DDB2: variants seen among roughly 807,000 people sequenced by gnomAD.
DDB2 encodes damage specific DNA binding protein 2.
In DDB2, 27 loss-of-function variants were observed where a neutral mutation model predicts 50.5. The observed-to-expected ratio is 0.53, with a 90% CI of 0.39 to 0.74. The LOEUF is 0.74. DDB2 is among the 30% of genes least tolerant of loss of function. The probability of loss-of-function intolerance (pLI) is 0.00; values close to 1 mark genes in which losing one functional copy is unlikely to be tolerated. For missense variants in DDB2, 424 were observed against 545.6 expected, an observed-to-expected ratio of 0.78 and a Z score of 2.22; for synonymous variants, 176 against 205.5, an observed-to-expected ratio of 0.86 and a Z score of 1.23.
At chr11:47,228,138 CAAAAAA>C (rs35908583) in intron 3 of DDB2, among the ~76,000 whole-genome samples, 1 of 57,462 alleles carries the variant, frequency 1.7e-5, no homozygotes, top group African/African-American at 6.5e-5. Flanking sequence ...GGCTCTGTCT[CAAAAAA>C]AAAAAAAAAA....
chr11:47,219,888 C>T (rs565330491), intron 3 of DDB2, among the ~76,000 whole-genome samples: 2 of 152,214 alleles, frequency 1.3e-5, no homozygotes, highest in East Asian at 3.9e-4. Context: ...CCCAGGTTCA[C>T]GCGATTCTCC....
Position 47,223,517 on chromosome 11 carries a change from A to G in DDB2, c.456+6468A>G, listed in dbSNP as rs1209851316. On this transcript the variant is annotated intron_variant, in intron 3 of 9. Transcript: ENST00000256996. ...TAAATAAGGCTGGGCGCGGTGGCTG[A>G]CACCTGTAATCCCAGCGCTTTGGGA... 2.6e-5 allele frequency among the ~76,000 whole-genome samples: 4 copies of G among 151,936 alleles called. No homozygotes were observed. The East Asian group carries it at 7.8e-4, about 29-fold the overall frequency.
In DDB2 at chr11:47,230,102, G is replaced by A. The variant is rs550088477; in HGVS notation, c.457-2712G>A. ...TGCTTGAGCCCAGGAATTTGAGACT[G>A]GCCTGAGTTACATAGTGAGACCCTG... On this transcript the variant is annotated intron_variant, in intron 3 of 9. Transcript: ENST00000256996. 1.7e-3 allele frequency among the ~76,000 whole-genome samples: 250 copies of A among 149,122 alleles called. 1 individual carries two copies. The highest frequency in any genetic ancestry group is 2.6e-3 in the Non-Finnish European group (178 of 67,494).
intron 3 of DDB2, among the ~76,000 whole-genome samples, chr11:47,227,556 G>C (rs1178284610): frequency 3.4e-5 from 5 of 148,378 alleles, no homozygotes; most frequent in Non-Finnish European, 7.4e-5. Context: ...TGTCACCCAG[G>C]CTGGAGTGCA....
chr11:47,228,942 G>T lies in DDB2; in HGVS notation c.457-3872G>T, dbSNP rs1354658231. ...ATTGCACTCCAGCCTGGGCTACAGA[G>T]TGAGACTCCATCTCAAAAAAAAAAA... On this transcript the variant is annotated intron_variant, in intron 3 of 9. Transcript: ENST00000256996. Among the ~76,000 whole-genome samples the T allele has an allele frequency of 9.4e-5, 7 of 74,768 alleles. 1 individual carries two copies. The highest frequency in any genetic ancestry group is 2.3e-4 in the Non-Finnish European group (7 of 30,980). 49.1% of individuals were successfully genotyped at this position (74,768 alleles called of 152,430 possible).
intron 3 of DDB2, among the ~76,000 whole-genome samples, chr11:47,231,143 AAC>A (rs1491516047): frequency 6.9e-6 from 1 of 145,728 alleles, no homozygotes; most frequent in Non-Finnish European, 1.5e-5. Flanking sequence ...AAAAAAAAAA[AAC>A]ACACAAAGAA....
chr11:47,232,445 A>G (rs981365232), intron 3 of DDB2, among the ~76,000 whole-genome samples: 1 of 152,060 alleles, frequency 6.6e-6, no homozygotes, highest in Non-Finnish European at 1.5e-5. Context: ...TGAGCTTAGG[A>G]GTTCAAGACC....
At chr11:47,235,513 C>T (rs1953713775) in intron 7 of DDB2, 101 bp downstream of exon 7, 3 of 1,293,556 alleles carry the variant, frequency 2.3e-6, no homozygotes, top group East Asian at 2.5e-5. Context: ...AAGCCTGCCA[C>T]CCCAGATCGC....
chr11:47,228,860 G>A (rs1953598773), intron 3 of DDB2, among the ~76,000 whole-genome samples: 1 of 150,010 alleles, frequency 6.7e-6, no homozygotes, highest in African/African-American at 2.5e-5. Flanking sequence ...GGGAAGCTGA[G>A]GCTGGAGAAT....
At chr11:47,227,099 C>CTTTTTTTTTTTTTT (rs34243882) in intron 3 of DDB2, among the ~76,000 whole-genome samples, 2 of 32,144 alleles carry the variant, frequency 6.2e-5, no homozygotes, top group East Asian at 2.3e-3. Flanking sequence ...GGATATTAAC[C>CTTTTTTTTTTTTTT]TTTTTTTTTT....
intron 7 of DDB2, 158 bp downstream of exon 7, chr11:47,235,570 T>C (rs1002274001): frequency 2.7e-5 from 19 of 709,818 alleles, no homozygotes; most frequent in Non-Finnish European, 4.1e-5. Flanking sequence ...CTCTCTCTCT[T>C]CCTTTTATCC....
Position 47,215,022 on chromosome 11 carries a change from G to T in DDB2, c.-115G>T, listed in dbSNP as rs1462156549. On this transcript the variant is annotated 5_prime_UTR_variant, in exon 1 of 10. Transcript: ENST00000256996. ...TTTGGCGGGAAGTTGGCTTAGCTCG[G>T]CTACCTGTGGCCCCGCAGTTTTGTA... 47 of 1,519,202 alleles carry T rather than the reference G, an allele frequency of 3.1e-5. No homozygotes were observed. In the East Asian group the frequency reaches 9.9e-4, roughly 32 times the overall value. The allele number at this position is 1,519,202 out of a possible 1,614,324, so 94.1% of individuals were successfully genotyped here. A position where few individuals can be genotyped will look rare whatever the true frequency, so the allele number is the denominator to read the frequency against.
chr11:47,232,398 TC>T (rs1953661657), intron 3 of DDB2, among the ~76,000 whole-genome samples: 1 of 151,858 alleles, frequency 6.6e-6, no homozygotes, highest in African/African-American at 2.4e-5. Flanking sequence ...ATGCCTGTAA[TC>T]TTAGCACTTT....
In DDB2 at chr11:47,234,925, G is replaced by A; in HGVS notation, c.871G>A (p.Val291Ile). 6.2e-7 allele frequency: 1 copy of A among 1,614,202 alleles called. No individual in the cohort carries two copies. Among genetic ancestry groups the A allele is most frequent in the Non-Finnish European group, 8.5e-7 (1 of 1,180,038 alleles). Residue 291 changes from valine (V) to isoleucine (I), a missense_variant, in exon 6 of 10, where the codon GTC (valine) becomes ATC (isoleucine). Transcript: ENST00000256996. Reference sequence around the variant, plus strand: ...CTACTCGCTGCCGCACAGGCATCCTGTCAACGCAGGTGTGATATCCCAGAC... The same window carrying A: ...CTACTCGCTGCCGCACAGGCATCCTATCAACGCAGGTGTGATATCCCAGAC... ...FLYSLPHRHP[V>I]NAACFSPDGA... is the part of the protein sequence containing the mutation.
chr11:47,236,886 T>C (rs1323469760), intron 7 of DDB2, among the ~76,000 whole-genome samples: 2 of 152,222 alleles, frequency 1.3e-5, no homozygotes, highest in East Asian at 3.8e-4. Context: ...CAGCTTCCTG[T>C]GTGTGATTTG....
intron 1 of DDB2, 76 bp downstream of exon 1, chr11:47,215,339 T>A: frequency 3.7e-6 from 6 of 1,607,114 alleles, no homozygotes; most frequent in Middle Eastern, 1.8e-4. Context: ...GGGGGATGGG[T>A]GCTCCGAGGC....
At chr11:47,235,926 CTTTTTTTT>C (rs10677833) in intron 7 of DDB2, 5 of 61,842 alleles carry the variant, frequency 8.1e-5, no homozygotes, top group Admixed American at 5.9e-4. Flanking sequence ...CAGGCTGATC[CTTTTTTTT>C]TTTTTTTTTT....
chr11:47,229,375 GA>G (rs1308326247), intron 3 of DDB2, among the ~76,000 whole-genome samples: 2 of 152,174 alleles, frequency 1.3e-5, no homozygotes, highest in Non-Finnish European at 2.9e-5. Context: ...TTTGCATGGA[GA>G]GGGGCGGCCG....
chr11:47,226,734 CTTTTTTTTTTTT>C (rs542832519), intron 3 of DDB2, among the ~76,000 whole-genome samples: 49,231 of 125,872 alleles, frequency 0.39, 8,698 homozygotes, highest in South Asian at 0.44. Flanking sequence ...AGTCCTTTGC[CTTTTTTTTTTTT>C]TTTTTTTTTT....
Sources: allele counts gnomAD v4.1 joint callset (sites outside exome capture counted in the v4.1 genomes callset), GRCh38; gene constraint gnomAD v4.1.1; transcripts MANE v1.5; gene names NCBI Gene and HGNC (gene_info 2026-07-23, HGNC 2026-07-21).